Variants in RCAN2 observed in about 807,000 individuals in gnomAD.
RCAN2 encodes calcipressin-2.
In RCAN2, 9 loss-of-function variants were observed where a neutral mutation model predicts 23.6. The ratio of observed to expected loss-of-function variants is 0.38; its 90% CI spans 0.23 to 0.67. The LOEUF (loss-of-function observed/expected upper bound fraction) is 0.67, where lower values mean the gene tolerates loss of function less well. Among genes scored for constraint, RCAN2 ranks in the 30% least tolerant of loss-of-function variants. RCAN2 has a pLI of 0.51. For synonymous variants in RCAN2, 109 were observed against 115.7 expected, an observed-to-expected ratio of 0.94 and a Z score of 0.37; for missense variants, 273 against 302.3, an observed-to-expected ratio of 0.90 and a Z score of 0.72.
chr6:46,428,606 T>G (rs1265475153), intron 2 of RCAN2, among the ~76,000 whole-genome samples: 2 of 152,222 alleles, frequency 1.3e-5, no homozygotes, highest in Non-Finnish European at 2.9e-5. Context: ...TCATCATGCT[T>G]TGGATATTCA....
chr6:46,348,869 C>T (rs908683652), intron 2 of RCAN2, among the ~76,000 whole-genome samples: 1 of 152,098 alleles, frequency 6.6e-6, no homozygotes, highest in Non-Finnish European at 1.5e-5. Flanking sequence ...GACATATTCC[C>T]CCAATTATTC....
At chr6:46,392,609 G>A (rs565202718) in intron 2 of RCAN2, among the ~76,000 whole-genome samples, 97 of 152,292 alleles carry the variant, frequency 6.4e-4, no homozygotes, top group African/African-American at 2.2e-3. Flanking sequence ...GGATGGAACT[G>A]TACCTGGTGT....
chr6:46,406,278 C>T (rs1433774958), intron 2 of RCAN2, among the ~76,000 whole-genome samples: 1 of 152,210 alleles, frequency 6.6e-6, no homozygotes, highest in Non-Finnish European at 1.5e-5. Flanking sequence ...GCAGAGGAGG[C>T]GCCGAGAGCA....
intron 2 of RCAN2, among the ~76,000 whole-genome samples, chr6:46,304,508 T>C (rs530053439): frequency 1.3e-5 from 2 of 152,310 alleles, no homozygotes; most frequent in East Asian, 3.9e-4. Flanking sequence ...ACTCCAAATC[T>C]TGTATCTTTA....
intron 1 of RCAN2, among the ~76,000 whole-genome samples, chr6:46,481,360 A>G (rs529912347): frequency 6.6e-6 from 1 of 152,350 alleles, no homozygotes; most frequent in East Asian, 1.9e-4. Flanking sequence ...CAGGTTCAAC[A>G]AAGAGTGATA....
chr6:46,456,765 C>T lies in RCAN2; in HGVS notation c.212G>A (p.Gly71Glu). The part of the protein sequence containing the change: ...ACNVHQSVFE[G>E]EESKEKFEGL... ...AAGGCAGCTTACCTTGCTCTCTTCT[C>T]CTTCAAACACTGACTGGTGAACATT... The change falls in exon 2 of 5, where the codon GGA becomes GAA. Residue 71 changes from glycine (G) to glutamate (E), a missense_variant. By Grantham distance (98) the Gly-to-Glu change is moderately conservative. Transcript: ENST00000371374. The T allele has an allele frequency of 1.3e-6, 2 of 1,550,666 alleles. No homozygotes were observed. The highest frequency in any genetic ancestry group is 2.4e-5 in the South Asian group (2 of 84,056).
rs142748227 is a variant in RCAN2, at chr6:46,223,472, C to T, written c.572-171G>A. On this transcript the variant is annotated intron_variant, in intron 4 of 4. Coordinates refer to ENST00000371374, the MANE Select transcript of RCAN2 (RefSeq NM_001251974.2). ...CAAGTGGAAAGAGATCAATTTCCTC[C>T]TATCCTGGCTCTGCCACTTATCAAC... is the stretch of plus-strand genomic sequence containing the variant. Among the ~76,000 whole-genome samples the T allele has an allele frequency of 5.7e-3, 861 of 152,218 alleles. 8 individuals are homozygous for T. Among genetic ancestry groups the T allele is most frequent in the African/African-American group, 0.02 (821 of 41,528 alleles).
chr6:46,468,724 A>C, intron 1 of RCAN2: 16 of 648,210 alleles, frequency 2.5e-5, no homozygotes, highest in Non-Finnish European at 2.9e-5. Context: ...TAATACCCTC[A>C]GATTCCCTCT....
Position 46,419,572 on chromosome 6 carries a change from T to C in RCAN2, c.225+37180A>G, listed in dbSNP as rs575506399. On this transcript the variant is annotated intron_variant, in intron 2 of 4. Coordinates refer to ENST00000371374, the MANE Select transcript of RCAN2 (RefSeq NM_001251974.2). ...ATTTTTGCCCAAGATTTTATAAAAA[T>C]AAATTGTTCTAAGCAGATTATTTGT... is the stretch of plus-strand genomic sequence containing the variant. Among the ~76,000 whole-genome samples, 4 of 152,350 alleles carry C rather than the reference T, an allele frequency of 2.6e-5. No homozygotes were observed. In the South Asian group the frequency reaches 8.3e-4, roughly 32 times the overall value.
chr6:46,351,135 A>G (rs766321660), intron 2 of RCAN2, among the ~76,000 whole-genome samples: 2 of 152,242 alleles, frequency 1.3e-5, no homozygotes, highest in East Asian at 3.8e-4. Flanking sequence ...GCAGAGGTCA[A>G]ATAACTTTCC....
In RCAN2 at chr6:46,223,123, C is replaced by T. The variant is rs771622092; in HGVS notation, c.*18G>A. On this transcript the variant is annotated 3_prime_UTR_variant, in exon 5 of 5. Transcript: ENST00000371374. ...ATGATAAAGAGGAGACGGCTATTAT[C>T]GAGAAGGAGCAGGCAGCTCAGTTGG... The T allele has an allele frequency of 2.5e-5, 41 of 1,611,408 alleles. No homozygotes were observed. Among genetic ancestry groups the T allele is most frequent in the Non-Finnish European group, 3.3e-5 (39 of 1,179,512 alleles).
At chr6:46,431,993 C>T (rs1309408594) in intron 2 of RCAN2, among the ~76,000 whole-genome samples, 2 of 152,104 alleles carry the variant, frequency 1.3e-5, no homozygotes, top group East Asian at 1.9e-4. Flanking sequence ...AATATGGAGA[C>T]AAAAATGTTG....
At chr6:46,315,675 C>T (rs1167591716) in intron 2 of RCAN2, among the ~76,000 whole-genome samples, 2 of 152,082 alleles carry the variant, frequency 1.3e-5, no homozygotes, top group South Asian at 2.1e-4. Flanking sequence ...ATAGGAGCCA[C>T]GGAGTCTCTA....
rs546614088 is a variant in RCAN2 at position 46,249,316 on chromosome 6, T to C, written c.226-420A>G. Among the ~76,000 whole-genome samples, 21 of 119,264 alleles carry C rather than the reference T, an allele frequency of 1.8e-4. No individual in the cohort carries two copies. In the South Asian group the frequency reaches 6.0e-3, roughly 34 times the overall value. The allele number at this position is 119,264 out of a possible 152,430, so 78.2% of individuals were successfully genotyped here. A position where few individuals can be genotyped will look rare whatever the true frequency, so the allele number is the denominator to read the frequency against. ...GCACTTTTCTTTTTCTTTCTTTCTTTCTTTTTTTTTTTTTTTTTTTTAGAC... is the reference window on the plus strand; with the variant it reads ...GCACTTTTCTTTTTCTTTCTTTCTTCCTTTTTTTTTTTTTTTTTTTTAGAC... On this transcript the variant is annotated intron_variant, in intron 2 of 4. Coordinates refer to ENST00000371374, the MANE Select transcript of RCAN2 (RefSeq NM_001251974.2).
intron 2 of RCAN2, among the ~76,000 whole-genome samples, chr6:46,446,454 T>G (rs1767709102): frequency 6.6e-6 from 1 of 152,172 alleles, no homozygotes; most frequent in African/African-American, 2.4e-5. Flanking sequence ...CTAATGGGAT[T>G]TCTTCAATCT....
chr6:46,362,242 C>T (rs1310151785), intron 2 of RCAN2, among the ~76,000 whole-genome samples: 3 of 152,012 alleles, frequency 2.0e-5, no homozygotes, highest in Non-Finnish European at 4.4e-5. Context: ...AAAAAAATAT[C>T]GTCTTTTTCT....
intron 2 of RCAN2, among the ~76,000 whole-genome samples, chr6:46,448,709 C>T (rs1222312908): frequency 6.6e-6 from 1 of 151,778 alleles, no homozygotes; most frequent in Non-Finnish European, 1.5e-5. Flanking sequence ...ACAACATTAA[C>T]AGAATGAAGG....
intron 2 of RCAN2, among the ~76,000 whole-genome samples, chr6:46,435,818 C>G (rs748479985): frequency 7.2e-5 from 11 of 152,196 alleles, no homozygotes; most frequent in Non-Finnish European, 1.5e-4. Flanking sequence ...AAGTCCAACA[C>G]TTATCAGGCT....
chr6:46,303,632 G>T (rs1762978748), intron 2 of RCAN2, among the ~76,000 whole-genome samples: 1 of 152,002 alleles, frequency 6.6e-6, no homozygotes, highest in Non-Finnish European at 1.5e-5. Context: ...GCTCGTTTCT[G>T]CCCTCTTCCA....
Sources: allele counts gnomAD v4.1 joint callset (sites outside exome capture counted in the v4.1 genomes callset), GRCh38; gene constraint gnomAD v4.1.1; transcripts MANE v1.5; gene names NCBI Gene and HGNC (gene_info 2026-07-23, HGNC 2026-07-21).